The following CSNK1G3 variants were observed in gnomAD, a reference collection of about 807,000 sequenced individuals.
The protein encoded by CSNK1G3 is casein kinase 1 gamma 3.
A neutral mutation model predicts 64.3 loss-of-function variants in CSNK1G3; 23 were observed. The observed-to-expected ratio is 0.36, with a 90% CI of 0.26 to 0.51. The LOEUF (loss-of-function observed/expected upper bound fraction) is 0.51. Among genes scored for constraint, CSNK1G3 ranks in the 20% least tolerant of loss-of-function variants. The pLI is 0.96. For synonymous variants in CSNK1G3, 158 were observed against 162.2 expected, an observed-to-expected ratio of 0.97 and a Z score of 0.20; for missense variants, 357 against 510.5, an observed-to-expected ratio of 0.70 and a Z score of 2.90.
At chr5:123,552,383 A>G (rs370576717) in intron 2 of CSNK1G3, among the ~76,000 whole-genome samples, 1 of 152,138 alleles carries the variant, frequency 6.6e-6, no homozygotes, top group South Asian at 2.1e-4. Flanking sequence ...TGACTTCATG[A>G]TCCACCTGCC....
At chr5:123,519,887 A>G (rs987780998) in intron 1 of CSNK1G3, among the ~76,000 whole-genome samples, 1 of 152,200 alleles carries the variant, frequency 6.6e-6, no homozygotes, top group African/African-American at 2.4e-5. Context: ...AGGCCATAAT[A>G]ATCTTGTCTA....
At chr5:123,548,583 T>C (rs527288732) in intron 2 of CSNK1G3, among the ~76,000 whole-genome samples, 1 of 152,152 alleles carries the variant, frequency 6.6e-6, no homozygotes, top group African/African-American at 2.4e-5. Context: ...CATTTTTATC[T>C]GGATTCTGTT....
At chr5:123,583,248 C>A (rs1023728757) in intron 6 of CSNK1G3, among the ~76,000 whole-genome samples, 3 of 151,956 alleles carry the variant, frequency 2.0e-5, no homozygotes, top group Admixed American at 1.3e-4. Flanking sequence ...ATAGGTCTTG[C>A]ATATACATTG....
At chr5:123,604,403 A>G (rs558613806) in intron 10 of CSNK1G3, among the ~76,000 whole-genome samples, 13 of 152,100 alleles carry the variant, frequency 8.5e-5, no homozygotes, top group Non-Finnish European at 1.8e-4. Context: ...TAGACACACA[A>G]GAGGAAACTG....
intron 10 of CSNK1G3, among the ~76,000 whole-genome samples, chr5:123,593,658 A>G (rs1009053137): frequency 6.6e-6 from 1 of 152,088 alleles, no homozygotes; most frequent in Non-Finnish European, 1.5e-5. Flanking sequence ...TTTGATTTCA[A>G]CTTAAGCTAC....
intron 5 of CSNK1G3, among the ~76,000 whole-genome samples, chr5:123,575,515 C>T (rs953016310): frequency 1.3e-5 from 2 of 152,130 alleles, no homozygotes; most frequent in Non-Finnish European, 2.9e-5. Flanking sequence ...CAAATACTCT[C>T]GTTTAGCAGT....
At chr5:123,567,444 T>C (rs999046013) in intron 4 of CSNK1G3, among the ~76,000 whole-genome samples, 1 of 151,916 alleles carries the variant, frequency 6.6e-6, no homozygotes, top group Admixed American at 6.5e-5. Flanking sequence ...CTACTAAAAA[T>C]ACAATAAAAA....
intron 4 of CSNK1G3, among the ~76,000 whole-genome samples, chr5:123,562,205 C>T (rs1785882003): frequency 6.6e-6 from 1 of 152,128 alleles, no homozygotes; most frequent in Non-Finnish European, 1.5e-5. Context: ...TAAATGTCAC[C>T]TGCTTAGCAA....
chr5:123,578,922 A>C (rs1789697612), intron 6 of CSNK1G3, among the ~76,000 whole-genome samples: 1 of 152,024 alleles, frequency 6.6e-6, no homozygotes, highest in Non-Finnish European at 1.5e-5. Flanking sequence ...GAGAAAGTAC[A>C]AACTTAATTA....
chr5:123,605,524 C>A (rs1264748513), intron 12 of CSNK1G3, among the ~76,000 whole-genome samples, 162 bp downstream of exon 13: 1 of 151,984 alleles, frequency 6.6e-6, no homozygotes, highest in African/African-American at 2.4e-5. Context: ...CTCTGAAAAG[C>A]AAGAAATAAT....
intron 2 of CSNK1G3, among the ~76,000 whole-genome samples, chr5:123,551,520 T>C (rs1444080404): frequency 6.6e-6 from 1 of 152,228 alleles, no homozygotes; most frequent in African/African-American, 2.4e-5. Context: ...TATGAATACT[T>C]CTTTTTTGCC....
chr5:123,614,895 T>G (rs17150513), exon 13 of CSNK1G3: 3 of 153,014 alleles, frequency 2.0e-5, no homozygotes, highest in Non-Finnish European at 2.9e-5. Context: ...TTGTGACATC[T>G]GCATTGATTT....
intron 2 of CSNK1G3, among the ~76,000 whole-genome samples, chr5:123,550,427 T>C (rs1379059680): frequency 6.6e-6 from 1 of 152,192 alleles, no homozygotes; most frequent in African/African-American, 2.4e-5. Flanking sequence ...ATTCAGAACT[T>C]AAGTCACATG....
chr5:123,530,542 AT>A (rs1017612616), intron 1 of CSNK1G3, among the ~76,000 whole-genome samples: 20 of 152,016 alleles, frequency 1.3e-4, no homozygotes, highest in African/African-American at 4.8e-4. Flanking sequence ...TGTACTTTCC[AT>A]TTTCTTTCCT....
intron 7 of CSNK1G3, 64 bp from the exon 8 acceptor site, chr5:123,588,363 G>C (rs960098746): frequency 7.7e-7 from 1 of 1,297,506 alleles, no homozygotes. Context: ...AGGCTACCGT[G>C]TGCAGTCCCA....
chr5:123,542,849 A>AGTGT (rs66645709), intron 1 of CSNK1G3, among the ~76,000 whole-genome samples: 41,392 of 134,634 alleles, frequency 0.31, 6,397 homozygotes, highest in Middle Eastern at 0.36. Flanking sequence ...GCCTAGATTT[A>AGTGT]GTGTGTGTGT....
chr5:123,527,282 C>T (rs555623750), intron 1 of CSNK1G3, among the ~76,000 whole-genome samples: 1 of 152,220 alleles, frequency 6.6e-6, no homozygotes, highest in African/African-American at 2.4e-5. Context: ...AAAAACTAGG[C>T]TTTTAAAACC....
rs1789070300 is a variant in CSNK1G3, at chr5:123,575,974, C to CT, written c.673+14dup. The CT allele has an allele frequency of 1.9e-6, 3 of 1,555,732 alleles. No individual in the cohort carries two copies. The highest frequency in any genetic ancestry group is 2.7e-6 in the Non-Finnish European group (3 of 1,129,340). ...CACATTTAGGAAAAGGTATGTGTAC[C>CT]TTTCGTAAGTATGGAAGTTTGAACT... is the stretch of plus-strand genomic sequence containing the variant. On this transcript the variant is annotated intron_variant, in intron 6 of 12. Transcript: ENST00000345990.
rs762301528 is a variant in CSNK1G3, at chr5:123,614,406, C to A, written c.*10C>A. ...ACAGCGCCACAAATGACTCTGGACA[C>A]AGACAGATCCTGGGGAGTTACTTAC... is the stretch of plus-strand genomic sequence containing the variant. On this transcript the variant is annotated 3_prime_UTR_variant, in exon 13 of 13. Transcript: ENST00000345990. The A allele has an allele frequency of 7.5e-6, 12 of 1,610,242 alleles. No individual in the cohort carries two copies. The Admixed American group carries it at 2.0e-4, about 27-fold the overall frequency.
Sources: gnomAD v4.1 joint callset for allele counts (sites outside exome capture counted in the v4.1 genomes callset) on GRCh38, gnomAD v4.1.1 for gene constraint, MANE v1.5 for transcripts, NCBI Gene and HGNC (gene_info 2026-07-23, HGNC 2026-07-21) for gene names.